Variants in SAMMSON observed in about 807,000 individuals in gnomAD.
The protein encoded by SAMMSON is long intergenic non-protein coding RNA 1212.
At chr3:70,089,922 G>T (rs1221367434) in intron 4 of SAMMSON, among the ~76,000 whole-genome samples, 2 of 152,056 alleles carry the variant, frequency 1.3e-5, no homozygotes, top group Non-Finnish European at 2.9e-5. Flanking sequence ...GCAGATGGCT[G>T]GGTAAATGTC....
chr3:70,344,029 G>T (rs1415261295), intron 7 of SAMMSON, among the ~76,000 whole-genome samples: 1 of 151,780 alleles, frequency 6.6e-6, no homozygotes, highest in African/African-American at 2.4e-5. Context: ...CATTACTGGG[G>T]GTGTTTTGAG....
chr3:70,207,465 G>A (rs753883612), intron 4 of SAMMSON, among the ~76,000 whole-genome samples: 6 of 152,072 alleles, frequency 3.9e-5, no homozygotes, highest in East Asian at 3.9e-4. Flanking sequence ...AATTTCTAGC[G>A]AAGTTCTTGA....
At chr3:70,216,633 A>G (rs1457463700) in intron 4 of SAMMSON, among the ~76,000 whole-genome samples, 1 of 152,140 alleles carries the variant, frequency 6.6e-6, no homozygotes, top group Non-Finnish European at 1.5e-5. Flanking sequence ...ATAATGTATT[A>G]TAGATGTTAC....
chr3:70,096,304 G>A (rs2067322660), intron 4 of SAMMSON, among the ~76,000 whole-genome samples: 1 of 152,160 alleles, frequency 6.6e-6, no homozygotes, highest in Non-Finnish European at 1.5e-5. Flanking sequence ...AGCACTTTGG[G>A]AGGCCAAGGT....
At chr3:70,051,996 G>A (rs1402892368) in intron 3 of SAMMSON, among the ~76,000 whole-genome samples, 2 of 152,050 alleles carry the variant, frequency 1.3e-5, no homozygotes, top group Non-Finnish European at 2.9e-5. Flanking sequence ...TACTCAAGAG[G>A]CTGAGGTGAG....
intron 4 of SAMMSON, chr3:70,204,438 C>T (rs1701270439): frequency 6.6e-6 from 1 of 152,118 alleles, no homozygotes. Context: ...TCTTATCACT[C>T]TTTGTGGGTC....
At chr3:70,292,313 C>G (rs1702246449) in intron 7 of SAMMSON, among the ~76,000 whole-genome samples, 1 of 152,078 alleles carries the variant, frequency 6.6e-6, no homozygotes. Flanking sequence ...TAGTATCTAT[C>G]TATTAGAATG....
intron 9 of SAMMSON, among the ~76,000 whole-genome samples, chr3:70,369,310 A>G (rs1029051593): frequency 9.9e-5 from 15 of 151,682 alleles, no homozygotes; most frequent in Non-Finnish European, 2.2e-4. Context: ...GTCATCTGTG[A>G]GTAAAGACAG....
At chr3:70,364,940 T>TCGTG (rs1329906300) in intron 9 of SAMMSON, among the ~76,000 whole-genome samples, 1 of 151,834 alleles carries the variant, frequency 6.6e-6, no homozygotes, top group Non-Finnish European at 1.5e-5. Flanking sequence ...TTCAATGAGA[T>TCGTG]CGTGTTATCC....
chr3:70,414,436 G>A (rs1390782660), intron 2 of SAMMSON, among the ~76,000 whole-genome samples: 1 of 152,102 alleles, frequency 6.6e-6, no homozygotes, highest in Non-Finnish European at 1.5e-5. Context: ...ACCTATTACA[G>A]TATCGCAATA....
chr3:70,050,936 G>C (rs145123061), intron 3 of SAMMSON, among the ~76,000 whole-genome samples: 3 of 151,852 alleles, frequency 2.0e-5, no homozygotes, highest in Non-Finnish European at 4.4e-5. Context: ...AGGAGTTCAA[G>C]ACCAGCCTGG....
intron 4 of SAMMSON, among the ~76,000 whole-genome samples, chr3:70,115,647 A>T (rs6807226): frequency 0.11 from 16,482 of 152,154 alleles, 988 homozygotes; most frequent in South Asian, 0.21. Flanking sequence ...GGAATGAGGG[A>T]CATCAGTAGA....
At chr3:70,191,746 T>C (rs927602623) in intron 4 of SAMMSON, among the ~76,000 whole-genome samples, 1 of 152,082 alleles carries the variant, frequency 6.6e-6, no homozygotes, top group African/African-American at 2.4e-5. Context: ...TCATAATTTT[T>C]CACATGTATA....
chr3:70,197,783 A>C (rs1185972045), intron 4 of SAMMSON, among the ~76,000 whole-genome samples: 1 of 152,184 alleles, frequency 6.6e-6, no homozygotes, highest in African/African-American at 2.4e-5. Context: ...GTTTCCCTCC[A>C]GTTATGTAAA....
Position 70,158,829 on chromosome 3 carries a change from AG to A in SAMMSON, n.507+87268del, listed in dbSNP as rs530748792. On this transcript the variant is annotated intron_variant and non_coding_transcript_variant, in intron 4 of 9. Transcript: ENST00000642114. ...TAGGAAAACCTTGCTATTCTAATAT[AG>A]GGGACCAAATTTATACTTTTGTATT... 1.2e-3 allele frequency among the ~76,000 whole-genome samples: 188 copies of A among 152,204 alleles called. 1 individual carries two copies. Among genetic ancestry groups the A allele is most frequent in the African/African-American group, 4.3e-3 (177 of 41,570 alleles).
intron 4 of SAMMSON, among the ~76,000 whole-genome samples, chr3:70,210,632 A>C (rs540209186): frequency 6.6e-6 from 1 of 152,278 alleles, no homozygotes; most frequent in South Asian, 2.1e-4. Context: ...TCTGTAGAGA[A>C]AATTATTTTA....
At chr3:70,168,436 G>A (rs1348221055) in intron 4 of SAMMSON, among the ~76,000 whole-genome samples, 1 of 152,010 alleles carries the variant, frequency 6.6e-6, no homozygotes, top group Admixed American at 6.6e-5. Flanking sequence ...GAAGAGTCAT[G>A]TGCTTATAAA....
intron 1 of SAMMSON, among the ~76,000 whole-genome samples, chr3:70,010,397 C>T (rs1296433522): frequency 6.6e-6 from 1 of 152,092 alleles, no homozygotes; most frequent in Non-Finnish European, 1.5e-5. Flanking sequence ...TATGTAATGG[C>T]CTTCTTTGTC....
At chr3:70,430,080 T>A (rs1033002563) in intron 2 of SAMMSON, among the ~76,000 whole-genome samples, 7 of 152,340 alleles carry the variant, frequency 4.6e-5, no homozygotes, top group African/African-American at 1.7e-4. Flanking sequence ...TTTTGCCCAT[T>A]CAGTATGATA....
Sources: allele counts gnomAD v4.1 joint callset (sites outside exome capture counted in the v4.1 genomes callset), GRCh38; gene constraint gnomAD v4.1.1; transcripts MANE v1.5; gene names NCBI Gene and HGNC (gene_info 2026-07-23, HGNC 2026-07-21).